Variants in CNNM2 observed in about 807,000 individuals in gnomAD.
CNNM2 encodes cyclin and CBS domain divalent metal cation transport mediator 2.
In CNNM2, 12 loss-of-function variants were observed where a neutral mutation model predicts 66.9. The observed-to-expected ratio is 0.18, with a 90% CI of 0.11 to 0.29. CNNM2 has a LOEUF of 0.29. Among genes scored for constraint, CNNM2 ranks in the 10% least tolerant of loss-of-function variants. CNNM2 has a pLI of 1.00. For synonymous variants in CNNM2, 557 were observed against 501.8 expected, an observed-to-expected ratio of 1.11 and a Z score of -1.47; for missense variants, 705 against 1,167.7, an observed-to-expected ratio of 0.60 and a Z score of 5.77.
chr10:102,945,746 A>G (rs561626729), intron 1 of CNNM2, among the ~76,000 whole-genome samples: 1 of 152,234 alleles, frequency 6.6e-6, no homozygotes, highest in South Asian at 2.1e-4. Flanking sequence ...AGGCTATGTT[A>G]GGTACCCTCT....
At chr10:103,000,835 T>C (rs1433954015) in intron 1 of CNNM2, among the ~76,000 whole-genome samples, 2 of 152,220 alleles carry the variant, frequency 1.3e-5, no homozygotes, top group Admixed American at 1.3e-4. Flanking sequence ...CTCCTTGGCT[T>C]CCCAGAGTGC....
chr10:103,060,985 G>T (rs1318554767), intron 4 of CNNM2, among the ~76,000 whole-genome samples: 1 of 152,126 alleles, frequency 6.6e-6, no homozygotes, highest in African/African-American at 2.4e-5. Flanking sequence ...ATACCATAGA[G>T]GTGGTCTGTC....
chr10:102,958,067 G>A (rs577105412), intron 1 of CNNM2, among the ~76,000 whole-genome samples: 1 of 152,292 alleles, frequency 6.6e-6, no homozygotes, highest in East Asian at 1.9e-4. Context: ...ATCCTGAGTA[G>A]CTGGGATTAC....
rs74700257 is a variant in CNNM2, at chr10:103,021,609, C to T, written c.1622-28098C>T. Among the ~76,000 whole-genome samples the T allele has an allele frequency of 4.2e-3, 634 of 152,268 alleles. 2 individuals carry two copies. The highest frequency in any genetic ancestry group is 8.5e-3 in the Admixed American group (130 of 15,300). On this transcript the variant is annotated intron_variant, in intron 1 of 7. Coordinates refer to ENST00000369878, the MANE Select transcript of CNNM2 (RefSeq NM_017649.5). ...TGAGTGAGACCTGTAGGGTGATAGTCTTGCTCCCACAGTTCCCTCTTGACT... is the reference window on the plus strand; with the variant it reads ...TGAGTGAGACCTGTAGGGTGATAGTTTTGCTCCCACAGTTCCCTCTTGACT...
chr10:102,963,835 TGA>T (rs2063419707), intron 1 of CNNM2, among the ~76,000 whole-genome samples: 2 of 152,324 alleles, frequency 1.3e-5, no homozygotes, highest in East Asian at 3.9e-4. Context: ...AAACTTGAGG[TGA>T]TAAGTGCCCA....
intron 4 of CNNM2, among the ~76,000 whole-genome samples, chr10:103,064,791 C>T (rs984022963): frequency 6.6e-6 from 1 of 152,194 alleles, no homozygotes; most frequent in Admixed American, 6.5e-5. Context: ...AGGATTCTCA[C>T]CACCGGTGCG....
At position 103,089,735 on chromosome 10, in the gene CNNM2, G is replaced by A; in HGVS notation, c.*12555G>A. On this transcript the variant is annotated 3_prime_UTR_variant, in exon 8 of 8. Transcript: ENST00000369878. ...CGTCATGGCAGTGTGTAATTTCCTG[G>A]GGGGCCAGTGGGAAGAGGTTGGGAG... 1 of 1,613,638 alleles carries A rather than the reference G, an allele frequency of 6.2e-7. No individual in the cohort carries two copies. Among genetic ancestry groups the A allele is most frequent in the South Asian group, 1.1e-5 (1 of 91,004 alleles).
chr10:103,070,219 C>T (rs1348760372), intron 5 of CNNM2, among the ~76,000 whole-genome samples: 1 of 152,162 alleles, frequency 6.6e-6, no homozygotes, highest in African/African-American at 2.4e-5. Flanking sequence ...AGGTGACCTT[C>T]GTTTTCACTG....
chr10:103,014,020 T>C (rs1480620207), intron 1 of CNNM2, among the ~76,000 whole-genome samples: 1 of 152,192 alleles, frequency 6.6e-6, no homozygotes, highest in Non-Finnish European at 1.5e-5. Context: ...CATTCCAAAT[T>C]GTAAGAAACA....
Position 103,088,119 on chromosome 10 carries a change from A to T in CNNM2, c.*10939A>T, listed in dbSNP as rs1366624663. 1 of 152,220 alleles carries T rather than the reference A, an allele frequency of 6.6e-6. No homozygotes were observed. The highest frequency in any genetic ancestry group is 1.5e-5 in the Non-Finnish European group (1 of 68,032). 9.4% of individuals were successfully genotyped at this position (152,220 alleles called of 1,614,324 possible). On this transcript the variant is annotated 3_prime_UTR_variant, in exon 8 of 8. Coordinates refer to ENST00000369878, the MANE Select transcript of CNNM2 (RefSeq NM_017649.5). ...TAAACCCACTTGAAGACCAATAGCT[A>T]TTACAGTTGTACTACAGAATAGGTC...
In CNNM2 at chr10:103,089,691, T is replaced by C. The variant is rs1311075282; in HGVS notation, c.*12511T>C. The C allele has an allele frequency of 6.2e-7, 1 of 1,608,602 alleles. No individual in the cohort carries two copies. Among genetic ancestry groups the C allele is most frequent in the Non-Finnish European group, 8.5e-7 (1 of 1,177,270 alleles). On this transcript the variant is annotated 3_prime_UTR_variant, in exon 8 of 8. Coordinates refer to ENST00000369878, the MANE Select transcript of CNNM2 (RefSeq NM_017649.5). The stretch of plus-strand genomic sequence containing the variant: ...TCCTCCTTATTCTTCCTCCTCCTCC[T>C]CCTCTTCATCATCATCTTCGTCATG...
At chr10:102,975,812 C>A (rs2063619828) in intron 1 of CNNM2, among the ~76,000 whole-genome samples, 1 of 152,064 alleles carries the variant, frequency 6.6e-6, no homozygotes, top group Non-Finnish European at 1.5e-5. Context: ...GAAGCATAGC[C>A]AATTAAAACT....
At chr10:102,921,248 T>C (rs547194106) in intron 1 of CNNM2, 1 of 166,594 alleles carries the variant, frequency 6.0e-6, no homozygotes, top group Admixed American at 6.5e-5. Context: ...GAAATGTGTA[T>C]GTAACCTTTC....
At chr10:103,050,269 C>G (rs896144034) in intron 2 of CNNM2, among the ~76,000 whole-genome samples, 2 of 152,080 alleles carry the variant, frequency 1.3e-5, no homozygotes, top group African/African-American at 2.4e-5. Context: ...TGGTGGCTCA[C>G]GTGTGTAATC....
chr10:102,961,801 C>T (rs890119415), intron 1 of CNNM2, among the ~76,000 whole-genome samples: 1 of 151,988 alleles, frequency 6.6e-6, no homozygotes, highest in African/African-American at 2.4e-5. Flanking sequence ...TGGCTCACAC[C>T]TGTAATCCCA....
intron 1 of CNNM2, among the ~76,000 whole-genome samples, chr10:102,938,323 A>G (rs996996272): frequency 1.5e-4 from 23 of 151,132 alleles, no homozygotes; most frequent in African/African-American, 5.6e-4. Flanking sequence ...GGGCACCTGT[A>G]ATCCCAGCTA....
Position 103,076,068 on chromosome 10 carries a change from T to A in CNNM2, c.2234-18T>A. 6.2e-7 allele frequency: 1 copy of A among 1,600,232 alleles called. No homozygotes were observed. Among genetic ancestry groups the A allele is most frequent in the Non-Finnish European group, 8.5e-7 (1 of 1,170,872 alleles). Reference sequence around the variant, plus strand: ...ATCTACTTCACTTAAACAGTTGGATTTTTCCCTCCTTTTCCAGGTGAAAAT... The same window carrying A: ...ATCTACTTCACTTAAACAGTTGGATATTTCCCTCCTTTTCCAGGTGAAAAT... On this transcript the variant is annotated intron_variant, in intron 6 of 7. Coordinates refer to ENST00000369878, the MANE Select transcript of CNNM2 (RefSeq NM_017649.5).
rs963471947 is a variant in CNNM2 at position 103,087,407 on chromosome 10, A to C, written c.*10227A>C. On this transcript the variant is annotated 3_prime_UTR_variant, in exon 8 of 8. Coordinates refer to ENST00000369878, the MANE Select transcript of CNNM2 (RefSeq NM_017649.5). The stretch of plus-strand genomic sequence containing the variant: ...GGTCCTACGGAGAGCTGTAACTAGC[A>C]GTGGAGTTGTTGCTTATTCCAGCTG... 3 of 152,070 alleles carry C rather than the reference A, an allele frequency of 2.0e-5. No individual in the cohort carries two copies. Among genetic ancestry groups the C allele is most frequent in the Non-Finnish European group, 2.9e-5 (2 of 68,010 alleles). The allele number at this position is 152,070 out of a possible 1,614,324, so 9.4% of individuals were successfully genotyped here. A position where few individuals can be genotyped will look rare whatever the true frequency, so the allele number is the denominator to read the frequency against.
intron 1 of CNNM2, among the ~76,000 whole-genome samples, chr10:103,028,742 G>A (rs1278490976): frequency 2.0e-5 from 3 of 151,110 alleles, no homozygotes; most frequent in African/African-American, 7.3e-5. Flanking sequence ...ACAAGATCTT[G>A]CAGAGATAAT....
Sources: allele counts gnomAD v4.1 joint callset (sites outside exome capture counted in the v4.1 genomes callset), GRCh38; gene constraint gnomAD v4.1.1; transcripts MANE v1.5; gene names NCBI Gene and HGNC (gene_info 2026-07-23, HGNC 2026-07-21).